The following UBL7 variants were observed in gnomAD, a reference collection of about 807,000 sequenced individuals.
UBL7 encodes the protein ubiquitin-like protein 7.
UBL7 carries 21 observed loss-of-function variants against 41.7 expected under a neutral mutation model. The observed-to-expected ratio is 0.50, with a 90% CI of 0.36 to 0.73. The LOEUF is 0.73. Among genes scored for constraint, UBL7 ranks in the 30% least tolerant of loss-of-function variants. UBL7 has a pLI of 0.00. For missense variants in UBL7, 403 were observed against 478.4 expected (o/e 0.84, Z 1.47); for synonymous variants, 157 against 186.9 (o/e 0.84, Z 1.31).
In UBL7 at chr15:74,456,496, C is replaced by T. The variant is rs536203189; in HGVS notation, c.304+56G>A. ...CTTGTGCCTCAAGAACACACAGATC[C>T]TTCCCTTGCGGATATTACAGAAACT... On this transcript the variant is annotated intron_variant, in intron 3 of 10. Transcript: ENST00000395081. 9 of 1,603,520 alleles carry T rather than the reference C, an allele frequency of 5.6e-6. No homozygotes were observed. The African/African-American group carries it at 1.2e-4, about 21-fold the overall frequency.
intron 3 of UBL7, among the ~76,000 whole-genome samples, chr15:74,456,289 G>A (rs1293629739): frequency 6.6e-6 from 1 of 152,166 alleles, no homozygotes; most frequent in Non-Finnish European, 1.5e-5. Context: ...GGGCAACAGA[G>A]TGAGACTGTC....
intron 10 of UBL7, among the ~76,000 whole-genome samples, chr15:74,447,739 G>C (rs186678156): frequency 6.6e-6 from 1 of 152,126 alleles, no homozygotes; most frequent in East Asian, 1.9e-4. Flanking sequence ...TGCCTCCCAG[G>C]GATCCCTGGT....
intron 4 of UBL7, among the ~76,000 whole-genome samples, chr15:74,451,781 T>A (rs1294752103): frequency 6.6e-6 from 1 of 152,178 alleles, no homozygotes; most frequent in Non-Finnish European, 1.5e-5. Context: ...ACCTACAGTT[T>A]AGTGCTTCCA....
chr15:74,448,613 T>C lies in UBL7; in HGVS notation c.883-13A>G, dbSNP rs2061208532. 1.9e-6 allele frequency: 3 copies of C among 1,613,524 alleles called. No homozygotes were observed. The highest frequency in any genetic ancestry group is 2.5e-6 in the Non-Finnish European group (3 of 1,179,650). On this transcript the variant is annotated splice_polypyrimidine_tract_variant and intron_variant, in intron 9 of 10. Transcript: ENST00000395081. ...CTGAGGAATGACCCTAGAGACAAAT[T>C]AGTGGTCAGTGCCACCCTCAGCGCC... is the stretch of plus-strand genomic sequence containing the variant.
At position 74,450,825 on chromosome 15, in the gene UBL7, G is replaced by C; in HGVS notation, c.507C>G (p.Phe169Leu). ...ACGTATCAAGCATATTGGGATCAGC[G>C]AAGACAGAGAAGAGGTCCTTGTCCT... is the stretch of plus-strand genomic sequence containing the variant. Reference protein sequence around the residue: ...VLQDKDLFSVFADPNMLDTLV... With the variant: ...VLQDKDLFSVLADPNMLDTLV... Residue 169 changes from phenylalanine (F) to leucine (L), a missense_variant, in exon 6 of 11, where the codon TTC (phenylalanine) becomes TTG (leucine). Physicochemically the swap from Phe to Leu is conservative, Grantham distance 22 (BLOSUM62 0). Coordinates refer to ENST00000395081, the MANE Select transcript of UBL7 (RefSeq NM_032907.5). 6.2e-7 allele frequency: 1 copy of C among 1,613,660 alleles called. No individual in the cohort carries two copies. The highest frequency in any genetic ancestry group is 1.1e-5 in the South Asian group (1 of 91,072).
At chr15:74,456,888 C>T (rs902692992) in intron 2 of UBL7, among the ~76,000 whole-genome samples, 1 of 152,070 alleles carries the variant, frequency 6.6e-6, no homozygotes, top group Non-Finnish European at 1.5e-5. Flanking sequence ...CGGTTCACTG[C>T]AGCCTCAACC....
chr15:74,458,156 A>G (rs1424858638), intron 2 of UBL7, among the ~76,000 whole-genome samples: 1 of 152,074 alleles, frequency 6.6e-6, no homozygotes, highest in Non-Finnish European at 1.5e-5. Context: ...GTTGGCCAGG[A>G]GCGGTGGCTC....
Position 74,450,760 on chromosome 15 carries a change from G to A in UBL7, c.530+42C>T, listed in dbSNP as rs201080989. On this transcript the variant is annotated intron_variant, in intron 6 of 10. Transcript: ENST00000395081. ...ACAATTAGGCTTCTGGCCTGAGCAC[G>A]AGGAGAGAGAAGGTACCCTCTAATA... The A allele has an allele frequency of 9.5e-5, 152 of 1,605,648 alleles. 1 individual carries two copies. The highest frequency in any genetic ancestry group is 2.2e-5 in the East Asian group (1 of 44,728).
chr15:74,447,618 G>A (rs1200436290), intron 10 of UBL7, among the ~76,000 whole-genome samples: 1 of 152,112 alleles, frequency 6.6e-6, no homozygotes, highest in Non-Finnish European at 1.5e-5. Context: ...GAGGTGGGAG[G>A]ATCACCTGAG....
chr15:74,446,140 C>G lies in UBL7; in HGVS notation c.1093G>C (p.Gly365Arg), dbSNP rs1444758154. 1 of 1,613,974 alleles carries G rather than the reference C, an allele frequency of 6.2e-7. No individual in the cohort carries two copies. The highest frequency in any genetic ancestry group is 8.5e-7 in the Non-Finnish European group (1 of 1,180,024). ...LSLRALQATG[G>R]DIQAALELIF... ...AGCTCCAGGGCTGCTTGGATGTCCC[C>G]ACCGGTGGCCTGCAGGGCCCGCAGG... The change falls in exon 11 of 11, where the codon GGG (glycine) becomes CGG (arginine). Residue 365 changes from glycine to arginine, a missense_variant. Coordinates refer to ENST00000395081, the MANE Select transcript of UBL7 (RefSeq NM_032907.5). This position sits in a 1 kb window ranked among gnomAD's most constrained non-coding sequence, Gnocchi z 4.1.
intron 7 of UBL7, 81 bp from the exon 8 acceptor site, chr15:74,449,756 C>G: frequency 1.3e-6 from 2 of 1,587,960 alleles, no homozygotes; most frequent in Non-Finnish European, 1.7e-6. Context: ...AAGTTACTCT[C>G]CAAATTCATA....
In UBL7 at chr15:74,446,177, G is replaced by A. The variant is rs759653140; in HGVS notation, c.1056C>T (p.Asp352=). The change falls in exon 11 of 11, where the codon GAC becomes GAT. Residue 352 remains aspartate, a synonymous_variant. Coordinates refer to ENST00000395081, the MANE Select transcript of UBL7 (RefSeq NM_032907.5). This position sits in a 1 kb window ranked among gnomAD's most constrained non-coding sequence, Gnocchi z 4.1. ...LQQLRDMGIQ[D]DELSLRALQA... ...GCAGGGCCCGCAGGCTCAGCTCATCGTCCTGGATGCCCATGTCACGTAGCT... is the reference window on the plus strand; with the variant it reads ...GCAGGGCCCGCAGGCTCAGCTCATCATCCTGGATGCCCATGTCACGTAGCT... 1.2e-4 allele frequency: 201 copies of A among 1,613,882 alleles called. 1 individual carries two copies. In the Middle Eastern group the frequency reaches 1.8e-3, roughly 15 times the overall value.
chr15:74,453,396 G>A (rs750756743), intron 3 of UBL7, among the ~76,000 whole-genome samples: 6 of 152,088 alleles, frequency 3.9e-5, no homozygotes, highest in African/African-American at 7.2e-5. Flanking sequence ...CAACAGAGAC[G>A]TGGATCCCAG....
At chr15:74,449,849 A>T in intron 7 of UBL7, 87 bp downstream of exon 7, 1 of 1,546,972 alleles carries the variant, frequency 6.5e-7, no homozygotes, top group Non-Finnish European at 8.7e-7. Flanking sequence ...GCCCTCTGCC[A>T]ACGCTATACA....
At chr15:74,460,762 T>G (rs2061341454) in intron 1 of UBL7, 1 of 1,282,488 alleles carries the variant, frequency 7.8e-7, no homozygotes, top group Admixed American at 2.4e-5. Flanking sequence ...TCATCATTAT[T>G]GCTTCCAAAG....
At chr15:74,455,212 A>G (rs532771989) in intron 3 of UBL7, among the ~76,000 whole-genome samples, 4 of 152,334 alleles carry the variant, frequency 2.6e-5, no homozygotes, top group Admixed American at 1.3e-4. Flanking sequence ...TTTCAAACTG[A>G]TAACTAGTCA....
rs58398578 is a variant in UBL7, at chr15:74,451,630, C to T, written c.388-110G>A. 200 of 737,356 alleles carry T rather than the reference C, an allele frequency of 2.7e-4. No homozygotes were observed. In the East Asian group the frequency reaches 5.0e-3, roughly 18 times the overall value. The allele number at this position is 737,356 out of a possible 1,614,324, so 45.7% of individuals were successfully genotyped here. A position where few individuals can be genotyped will look rare whatever the true frequency, so the allele number is the denominator to read the frequency against. On this transcript the variant is annotated intron_variant, in intron 4 of 10. Transcript: ENST00000395081. Reference sequence around the variant, plus strand: ...CCTCTAAGTGCTTGCATGTACATCACCACAATGGAACAATAGCCCCAGAAA... The same window carrying T: ...CCTCTAAGTGCTTGCATGTACATCATCACAATGGAACAATAGCCCCAGAAA...
chr15:74,457,265 C>T (rs1034617715), intron 2 of UBL7, among the ~76,000 whole-genome samples: 10 of 152,134 alleles, frequency 6.6e-5, no homozygotes, highest in Non-Finnish European at 1.5e-4. Context: ...AAATTAGGGC[C>T]GGGCACGGTG....
intron 3 of UBL7, among the ~76,000 whole-genome samples, chr15:74,454,253 A>C (rs1034800752): frequency 6.6e-6 from 1 of 152,170 alleles, no homozygotes; most frequent in African/African-American, 2.4e-5. Context: ...GAAGCCACAA[A>C]TGTTATTTTC....
Sources: allele counts gnomAD v4.1 joint callset (sites outside exome capture counted in the v4.1 genomes callset), GRCh38; gene constraint gnomAD v4.1.1; non-coding constraint Gnocchi (gnomAD v3.1); transcripts MANE v1.5; gene names NCBI Gene and HGNC (gene_info 2026-07-23, HGNC 2026-07-21).